Variants in TAF1 observed in about 807,000 individuals in gnomAD.
The protein encoded by TAF1 is TATA-box binding protein associated factor 1, also known as transcription initiation factor TFIID subunit 1.
In TAF1, 2 loss-of-function variants were observed where a neutral mutation model predicts 138.5. That is an observed-to-expected ratio of 0.01 (90% CI 0.01 to 0.05). The LOEUF (loss-of-function observed/expected upper bound fraction) is 0.05. Ranked by LOEUF, TAF1 falls within the 10% of genes least tolerant of loss-of-function variation. The pLI is 1.00. For synonymous variants in TAF1, 437 were observed against 503.2 expected (o/e 0.87, Z 1.76); for missense variants, 709 against 1,478.0 (o/e 0.48, Z 8.53).
At chrX:71,474,534 T>C (rs1338418552) in intron 13 of TAF1, among the ~76,000 whole-genome samples, 1 of 111,848 alleles carries the variant, frequency 8.9e-6, no homozygotes, top group Non-Finnish European at 1.9e-5. Flanking sequence ...TAAGGAGGCA[T>C]ATAGGATTCA....
At position 71,465,472 on chromosome X, in the gene TAF1, A is replaced by T. The variant is rs1389569032; in HGVS notation, c.*1426A>T. 9.0e-6 allele frequency: 1 copy of T among 111,708 alleles called. No homozygotes were observed. Among genetic ancestry groups the T allele is most frequent in the Non-Finnish European group, 1.9e-5 (1 of 53,173 alleles). The allele number at this position is 111,708 out of a possible 1,213,427, so 9.2% of individuals were successfully genotyped here. ...AAAGGCCACAGTCTAGAAATGGCAG[A>T]GTGTGTTCCTAGTTTGTTTGTTTGT... On this transcript the variant is annotated 3_prime_UTR_variant, in exon 38 of 38. Coordinates refer to ENST00000423759, the MANE Select transcript of TAF1 (RefSeq NM_004606.5).
At chrX:71,515,967 A>G (rs868760694) in intron 13 of TAF1, among the ~76,000 whole-genome samples, 9 of 111,669 alleles carry the variant, frequency 8.1e-5, no homozygotes, top group Non-Finnish European at 1.3e-4. Context: ...TATAGGATGT[A>G]TCTAAAGTAG....
intron 8 of TAF1, among the ~76,000 whole-genome samples, chrX:71,379,691 C>G (rs2033747616): frequency 1.9e-5 from 2 of 106,228 alleles, no homozygotes; most frequent in African/African-American, 6.9e-5. Context: ...CAATCTCTCC[C>G]TCCTGGGCTC....
intron 9 of TAF1, among the ~76,000 whole-genome samples, 187 bp downstream of exon 9, chrX:71,382,106 A>G (rs964961064): frequency 8.9e-6 from 1 of 112,034 alleles, no homozygotes; most frequent in Admixed American, 9.5e-5. Context: ...ACACTCACGT[A>G]GGAATGTTGG....
chrX:71,461,821 A>C (rs1409902650), intron 37 of TAF1, among the ~76,000 whole-genome samples: 2 of 111,830 alleles, frequency 1.8e-5, no homozygotes, highest in Non-Finnish European at 3.8e-5. Flanking sequence ...GTAATATGAA[A>C]AGTGCTATGC....
intron 13 of TAF1, among the ~76,000 whole-genome samples, chrX:71,483,035 A>G (rs1206958002): frequency 2.7e-5 from 3 of 110,031 alleles, no homozygotes; most frequent in African/African-American, 9.9e-5. Flanking sequence ...GCTGGAGTGC[A>G]GTGTCATGAT....
chrX:71,510,948 G>C (rs1411727454), intron 13 of TAF1, among the ~76,000 whole-genome samples: 1 of 110,649 alleles, frequency 9.0e-6, no homozygotes, highest in African/African-American at 3.3e-5. Context: ...TACTAAAAAT[G>C]CAAAATTAGC....
chrX:71,495,527 A>G (rs2039380794), intron 13 of TAF1, among the ~76,000 whole-genome samples: 1 of 111,713 alleles, frequency 9.0e-6, no homozygotes, highest in Admixed American at 9.5e-5. Context: ...CTGACTGGTT[A>G]GTGTAAAAAC....
intron 13 of TAF1, among the ~76,000 whole-genome samples, chrX:71,512,412 TC>T (rs2039749685): frequency 8.9e-6 from 1 of 112,406 alleles, no homozygotes; most frequent in African/African-American, 3.2e-5. Context: ...TGTGTGAGTA[TC>T]TCAGACCCTT....
At position 71,406,553 on chromosome X, in the gene TAF1, G is replaced by A. The variant is rs1239641337; in HGVS notation, c.3999-85G>A. 5.2e-6 allele frequency: 5 copies of A among 963,382 alleles called. No homozygotes were observed. In the Admixed American group the frequency reaches 1.6e-4, roughly 31 times the overall value. The allele number at this position is 963,382 out of a possible 1,213,427, so 79.4% of individuals were successfully genotyped here. A position where few individuals can be genotyped will look rare whatever the true frequency, so the allele number is the denominator to read the frequency against. The stretch of plus-strand genomic sequence containing the variant: ...CGCTAGGCTCGTGCTTAGGTACCTT[G>A]GACTTTTTTTTAATTATAGTTGCTT... On this transcript the variant is annotated intron_variant, in intron 25 of 37. Transcript: ENST00000423759.
intron 32 of TAF1, among the ~76,000 whole-genome samples, chrX:71,433,456 G>A (rs2036988025): frequency 9.0e-6 from 1 of 111,257 alleles, no homozygotes; most frequent in Non-Finnish European, 1.9e-5. Flanking sequence ...TAATGTAAAT[G>A]ACTAAGGTGG....
intron 32 of TAF1, among the ~76,000 whole-genome samples, chrX:71,430,639 C>A (rs1322297897): frequency 9.0e-6 from 1 of 111,398 alleles, no homozygotes; most frequent in Non-Finnish European, 1.9e-5. Context: ...AGCATGTATC[C>A]CATCTAGGAG....
rs773452844 is a variant in TAF1 at position 71,366,383 on chromosome X, C to T, written c.9C>T (p.Asp3=). 2.5e-5 allele frequency: 30 copies of T among 1,210,978 alleles called. 1 individual carries two copies. Among genetic ancestry groups the T allele is most frequent in the Middle Eastern group, 2.4e-4 (1 of 4,202 alleles). MS[D]TDSDEDSAGG... ...TCACTGCTGCCGCCATCATGTCAGA[C>T]ACGGACAGCGACGAAGATTCCGCTG... The change falls in exon 1 of 38, where the codon GAC becomes GAT. Residue 3 remains aspartate, a synonymous_variant. Transcript: ENST00000423759.
In TAF1 at chrX:71,424,064, A is replaced by G. The variant is rs1602627327; in HGVS notation, c.4666A>G (p.Lys1556Glu). 2 of 1,207,545 alleles carry G rather than the reference A, an allele frequency of 1.7e-6. No individual in the cohort carries two copies. The highest frequency in any genetic ancestry group is 2.2e-6 in the Non-Finnish European group (2 of 892,109). Residue 1556 changes from lysine (K) to glutamate (E), a missense_variant and splice_region_variant, in exon 31 of 38, where the codon AAG (lysine) becomes GAG (glutamate). Lys to Glu is a moderately conservative substitution (Grantham distance 56). Coordinates refer to ENST00000423759, the MANE Select transcript of TAF1 (RefSeq NM_004606.5). ...VNPMDLETIRKNISKHKYQSR... is the reference protein window; with the variant it reads ...VNPMDLETIRENISKHKYQSR... Reference sequence around the variant, plus strand: ...TCCAATGGATTTAGAGACCATACGTAAGGTGAGTGAGTGATTTGATCTAAA... The same window carrying G: ...TCCAATGGATTTAGAGACCATACGTGAGGTGAGTGAGTGATTTGATCTAAA...
chrX:71,396,636 T>C (rs1338315009), intron 22 of TAF1, among the ~76,000 whole-genome samples: 1 of 111,970 alleles, frequency 8.9e-6, no homozygotes, highest in Non-Finnish European at 1.9e-5. Flanking sequence ...ACTTCCTACA[T>C]GGTCTTTTCT....
intron 30 of TAF1, 156 bp downstream of exon 30, chrX:71,423,395 GGTACATTATCTTTTTTTTTTAAGA>G: frequency 2.6e-5 from 13 of 498,299 alleles, no homozygotes; most frequent in Non-Finnish European, 3.2e-5. Context: ...TTGCTATATG[GGTACATTATCTTTTTTTTTTAAGA>G]GTACATTATC....
At chrX:71,397,028 CA>C (rs745812030) in intron 22 of TAF1, among the ~76,000 whole-genome samples, 536 of 30,157 alleles carry the variant, frequency 0.018, no homozygotes, top group African/African-American at 0.028. Flanking sequence ...GATCCTGTCT[CA>C]AAAAAAAAAA....
intron 13 of TAF1, among the ~76,000 whole-genome samples, chrX:71,474,211 T>C (rs1347651672): frequency 9.0e-6 from 1 of 111,202 alleles, no homozygotes; most frequent in Non-Finnish European, 1.9e-5. Context: ...TTATGGGCCA[T>C]GGTAAGGAGT....
chrX:71,396,379 G>C (rs1307125083), intron 22 of TAF1, among the ~76,000 whole-genome samples: 3 of 105,244 alleles, frequency 2.9e-5, no homozygotes, highest in Admixed American at 1.0e-4. Flanking sequence ...GTTTACTGCA[G>C]CCTCAACCTC....
Sources: allele counts gnomAD v4.1 joint callset (sites outside exome capture counted in the v4.1 genomes callset), GRCh38; gene constraint gnomAD v4.1.1; transcripts MANE v1.5; gene names NCBI Gene and HGNC (gene_info 2026-07-23, HGNC 2026-07-21).